GNG4: variants seen among roughly 807,000 people sequenced by gnomAD.
GNG4 encodes guanine nucleotide-binding protein G(I)/G(S)/G(O) subunit gamma-4.
Under a neutral mutation model 5.8 loss-of-function variants are expected in GNG4, and 4 were observed. The ratio of observed to expected loss-of-function variants is 0.69; its 90% CI spans 0.34 to 1.57. GNG4 has a LOEUF of 1.57. Ranked by LOEUF, GNG4 falls within the 40% of genes most tolerant of loss-of-function variation. The pLI, the probability that GNG4 is intolerant of heterozygous loss-of-function variation, is 0.06. For synonymous variants in GNG4, 29 were observed against 32.9 expected (o/e 0.88, Z 0.41); for missense variants, 96 against 95.1 (o/e 1.01, Z -0.04).
At chr1:235,606,832 C>T (rs1005218617) in intron 1 of GNG4, among the ~76,000 whole-genome samples, 1 of 151,924 alleles carries the variant, frequency 6.6e-6, no homozygotes, top group Non-Finnish European at 1.5e-5. Context: ...GCGTGCAGAG[C>T]CTTTGGCCCA....
intron 3 of GNG4, among the ~76,000 whole-genome samples, chr1:235,569,528 C>CT (rs143624751): frequency 0.045 from 6,560 of 145,842 alleles, 415 homozygotes; most frequent in African/African-American, 0.14. Context: ...TGCCTATATT[C>CT]TTTTTTTTTT....
intron 1 of GNG4, among the ~76,000 whole-genome samples, chr1:235,621,837 T>C (rs892187789): frequency 6.6e-6 from 1 of 152,018 alleles, no homozygotes; most frequent in African/African-American, 2.4e-5. Flanking sequence ...CCACCATGTC[T>C]GGCTAATTTT....
At chr1:235,606,669 A>T (rs1161527133) in intron 1 of GNG4, among the ~76,000 whole-genome samples, 1 of 152,192 alleles carries the variant, frequency 6.6e-6, no homozygotes, top group East Asian at 1.9e-4. Context: ...TGAGAAGCAC[A>T]TGGCCAGCAG....
At chr1:235,645,797 CAAAAAAA>C (rs6143682) in intron 1 of GNG4, among the ~76,000 whole-genome samples, 5,725 of 90,276 alleles carry the variant, frequency 0.063, 226 homozygotes, top group African/African-American at 0.16. Flanking sequence ...AACTCAGTCT[CAAAAAAA>C]AAAAAAAAAA....
intron 2 of GNG4, among the ~76,000 whole-genome samples, chr1:235,591,772 G>T (rs1286412636): frequency 6.6e-6 from 1 of 152,200 alleles, no homozygotes; most frequent in Non-Finnish European, 1.5e-5. Context: ...CATTTGCTTA[G>T]GGGTGGCACC....
intron 1 of GNG4, among the ~76,000 whole-genome samples, chr1:235,620,690 C>T (rs1688691492): frequency 6.6e-6 from 1 of 152,148 alleles, no homozygotes; most frequent in African/African-American, 2.4e-5. Context: ...TGCCCGCCAC[C>T]ACGCCCAGCT....
chr1:235,642,840 C>T lies in GNG4; in HGVS notation c.-123+6822G>A, dbSNP rs12130259. Among the ~76,000 whole-genome samples, 81 of 152,038 alleles carry T rather than the reference C, an allele frequency of 5.3e-4. 2 individuals carry two copies. The highest frequency in any genetic ancestry group is 5.0e-3 in the Admixed American group (76 of 15,266). ...AGCCAGACCTCTGCTCAGCTCTGCA[C>T]GTACATGCCCCCTCGATGTCACCTC... On this transcript the variant is annotated intron_variant, in intron 1 of 3. Coordinates refer to ENST00000391854, the MANE Select transcript of GNG4 (RefSeq NM_001098722.2). The surrounding 1 kb of genome is among the most constrained non-coding windows in gnomAD (Gnocchi z 4.3).
chr1:235,592,492 G>A (rs1237196207), intron 2 of GNG4, among the ~76,000 whole-genome samples: 1 of 152,140 alleles, frequency 6.6e-6, no homozygotes, highest in African/African-American at 2.4e-5. Context: ...CTGGGTGACA[G>A]AATGAGACTC....
intron 3 of GNG4, among the ~76,000 whole-genome samples, chr1:235,558,528 G>A (rs291352): frequency 0.49 from 74,726 of 152,018 alleles, 19,625 homozygotes; most frequent in East Asian, 0.85. Flanking sequence ...TAATTAACCT[G>A]AGTCTGCTCC....
At chr1:235,637,941 T>A (rs1330943558) in intron 1 of GNG4, among the ~76,000 whole-genome samples, 1 of 152,130 alleles carries the variant, frequency 6.6e-6, no homozygotes, top group East Asian at 1.9e-4. Context: ...CGGCACAGAC[T>A]TGAGGAGACC....
chr1:235,604,037 G>A lies in GNG4; in HGVS notation c.-122-8526C>T, dbSNP rs2068313. Among the ~76,000 whole-genome samples the A allele has an allele frequency of 4.2e-3, 638 of 152,254 alleles. 4 individuals carry two copies. The highest frequency in any genetic ancestry group is 0.015 in the African/African-American group (621 of 41,554). On this transcript the variant is annotated intron_variant, in intron 1 of 3. Transcript: ENST00000391854. ...GACCATTGCTTCGGCCTTGCAGGTA[G>A]AAATCAAAACTCTTAATCAACAGGA...
At chr1:235,555,828 CT>C (rs953053184) in intron 3 of GNG4, among the ~76,000 whole-genome samples, 1 of 151,992 alleles carries the variant, frequency 6.6e-6, no homozygotes, top group Non-Finnish European at 1.5e-5. Context: ...ACCTCACATA[CT>C]TTTTTTGTGG....
At position 235,581,453 on chromosome 1, in the gene GNG4, C is replaced by G. The variant is rs548128677; in HGVS notation, c.99+2287G>C. Among the ~76,000 whole-genome samples, 3 of 151,186 alleles carry G rather than the reference C, an allele frequency of 2.0e-5. No individual in the cohort carries two copies. The South Asian group carries it at 6.3e-4, about 32-fold the overall frequency. On this transcript the variant is annotated intron_variant, in intron 3 of 3. Transcript: ENST00000391854. ...CTGAGGCAGAAGAATGGCGTGAACC[C>G]GGGAGGCGGAGCTTGCAGTGAGCCG...
At chr1:235,625,174 A>C (rs1688784585) in intron 1 of GNG4, among the ~76,000 whole-genome samples, 1 of 152,146 alleles carries the variant, frequency 6.6e-6, no homozygotes, top group African/African-American at 2.4e-5. Flanking sequence ...CAAGAATGAT[A>C]TCCCTTTCCC....
rs184729689 is a variant in GNG4, at chr1:235,601,156, A to G, written c.-122-5645T>C. Among the ~76,000 whole-genome samples the G allele has an allele frequency of 3.1e-3, 474 of 152,362 alleles. 4 individuals are homozygous for G. The highest frequency in any genetic ancestry group is 0.01 in the African/African-American group (428 of 41,594). ...CCTTACTTTGAGAAACAGTGATGATACAGGGAAGGTGTCTAAAACCCCTTG... is the reference window on the plus strand; with the variant it reads ...CCTTACTTTGAGAAACAGTGATGATGCAGGGAAGGTGTCTAAAACCCCTTG... On this transcript the variant is annotated intron_variant, in intron 1 of 3. Coordinates refer to ENST00000391854, the MANE Select transcript of GNG4 (RefSeq NM_001098722.2).
intron 1 of GNG4, among the ~76,000 whole-genome samples, chr1:235,619,182 C>T (rs7533557): frequency 2.4e-5 from 2 of 83,288 alleles, no homozygotes; most frequent in African/African-American, 1.9e-4. Flanking sequence ...TATATACACA[C>T]ACATATATAT....
chr1:235,568,308 C>A (rs76974070), intron 3 of GNG4, among the ~76,000 whole-genome samples: 5,775 of 152,176 alleles, frequency 0.038, 305 homozygotes, highest in African/African-American at 0.11. Flanking sequence ...GCCTTCAATG[C>A]CTCCTATGAC....
In GNG4 at chr1:235,629,809, C is replaced by T. The variant is rs543415351; in HGVS notation, c.-123+19853G>A. Among the ~76,000 whole-genome samples the T allele has an allele frequency of 1.2e-4, 18 of 152,160 alleles. No individual in the cohort carries two copies. In the South Asian group the frequency reaches 3.5e-3, roughly 30 times the overall value. ...GTTTTACCATGTTGGCTAGGCTGGT[C>T]TCGAACTCCTGACCTCAGATAATCT... On this transcript the variant is annotated intron_variant, in intron 1 of 3. Transcript: ENST00000391854.
At chr1:235,582,077 T>G (rs1687650820) in intron 3 of GNG4, among the ~76,000 whole-genome samples, 2 of 152,202 alleles carry the variant, frequency 1.3e-5, no homozygotes, top group African/African-American at 4.8e-5. Context: ...ACGTTTACTC[T>G]CCATGTTCTG....
Sources: allele counts gnomAD v4.1 joint callset (sites outside exome capture counted in the v4.1 genomes callset), GRCh38; gene constraint gnomAD v4.1.1; non-coding constraint Gnocchi (gnomAD v3.1); transcripts MANE v1.5; gene names NCBI Gene and HGNC (gene_info 2026-07-23, HGNC 2026-07-21).